The following GABRA2 variants were observed in gnomAD, a reference collection of about 807,000 sequenced individuals.
The protein encoded by GABRA2 is gamma-aminobutyric acid receptor subunit alpha-2.
In GABRA2, 16 loss-of-function variants were observed where a neutral mutation model predicts 48.7. That is an observed-to-expected ratio of 0.33 (90% confidence interval 0.22 to 0.50). The LOEUF is 0.50. Among genes scored for constraint, GABRA2 ranks in the 20% least tolerant of loss-of-function variants. The pLI, the probability that GABRA2 is intolerant of heterozygous loss-of-function variation, is 0.98. For synonymous variants in GABRA2, 185 were observed against 184.5 expected (o/e 1.00, Z -0.02); for missense variants, 275 against 535.6 (o/e 0.51, Z 4.80).
At chr4:46,267,162 T>C (rs996516774) in intron 8 of GABRA2, among the ~76,000 whole-genome samples, 1 of 152,160 alleles carries the variant, frequency 6.6e-6, no homozygotes, top group African/African-American at 2.4e-5. Flanking sequence ...TTTCTGTTCC[T>C]CATATTCAAC....
At chr4:46,292,527 G>A (rs570256741) in intron 8 of GABRA2, among the ~76,000 whole-genome samples, 1 of 152,320 alleles carries the variant, frequency 6.6e-6, no homozygotes, top group East Asian at 1.9e-4. Context: ...GATAATGGTG[G>A]AAGAAACAGA....
chr4:46,303,339 A>T, intron 8 of GABRA2, 121 bp downstream of exon 8: 1 of 970,978 alleles, frequency 1.0e-6, no homozygotes, highest in East Asian at 2.6e-5. Flanking sequence ...CTATAAGGCA[A>T]AAACAATACT....
chr4:46,248,016 T>C lies in GABRA2; in HGVS notation c.*2292A>G, dbSNP rs1577733465. On this transcript the variant is annotated 3_prime_UTR_variant, in exon 10 of 10. Transcript: ENST00000381620. Reference sequence around the variant, plus strand: ...ATAAGAATAACAGTGATAAGTTTTCTGGTCAATCTGCCATAAATGCTAATA... The same window carrying C: ...ATAAGAATAACAGTGATAAGTTTTCCGGTCAATCTGCCATAAATGCTAATA... 6.6e-6 allele frequency among the ~76,000 whole-genome samples: 1 copy of C among 151,362 alleles called. No homozygotes were observed. The highest frequency in any genetic ancestry group is 2.0e-4 in the East Asian group (1 of 5,128).
chr4:46,325,250 G>A (rs1450112334), intron 4 of GABRA2, among the ~76,000 whole-genome samples: 1 of 151,840 alleles, frequency 6.6e-6, no homozygotes, highest in Non-Finnish European at 1.5e-5. Context: ...TTGCCAACAT[G>A]TTAATTTTTT....
intron 4 of GABRA2, among the ~76,000 whole-genome samples, chr4:46,326,498 CTTT>C (rs397938834): frequency 7.3e-6 from 1 of 136,996 alleles, no homozygotes; most frequent in Non-Finnish European, 1.6e-5. Context: ...TGGTCTCTGC[CTTT>C]TTTTTTTTTT....
At chr4:46,375,775 C>T (rs990557495) in intron 3 of GABRA2, among the ~76,000 whole-genome samples, 1 of 152,148 alleles carries the variant, frequency 6.6e-6, no homozygotes, top group African/African-American at 2.4e-5. Context: ...AAAGCCAGAA[C>T]GAGCCAAAAT....
chr4:46,378,249 G>T (rs553793583), intron 3 of GABRA2, among the ~76,000 whole-genome samples: 1 of 152,202 alleles, frequency 6.6e-6, no homozygotes, highest in Admixed American at 6.5e-5. Context: ...CTGAGAAATC[G>T]GATGGTTGCC....
At chr4:46,290,147 G>A (rs1246097419) in intron 8 of GABRA2, among the ~76,000 whole-genome samples, 1 of 149,242 alleles carries the variant, frequency 6.7e-6, no homozygotes, top group Non-Finnish European at 1.5e-5. Flanking sequence ...CTCGTGATCC[G>A]CCCGCCTCAG....
intron 3 of GABRA2, among the ~76,000 whole-genome samples, chr4:46,378,802 T>C (rs1303614047): frequency 3.3e-5 from 5 of 150,854 alleles, no homozygotes; most frequent in African/African-American, 1.2e-4. Flanking sequence ...TATTCCAGCC[T>C]GGGCAACATA....
chr4:46,245,873 C>T lies in GABRA2; in HGVS notation c.*4435G>A, dbSNP rs531073040. 7.3e-5 allele frequency among the ~76,000 whole-genome samples: 11 copies of T among 150,940 alleles called. No individual in the cohort carries two copies. Among genetic ancestry groups the T allele is most frequent in the African/African-American group, 1.5e-4 (6 of 41,360 alleles). On this transcript the variant is annotated 3_prime_UTR_variant, in exon 10 of 10. Coordinates refer to ENST00000381620, the MANE Select transcript of GABRA2 (RefSeq NM_000807.4). ...CATCATTGAGTAGTTTGAGGTGGGA[C>T]GTATAACCACCTTTATAAGTATTTC...
At chr4:46,252,402 C>T (rs1460540626) in intron 9 of GABRA2, among the ~76,000 whole-genome samples, 1 of 151,424 alleles carries the variant, frequency 6.6e-6, no homozygotes, top group Non-Finnish European at 1.5e-5. Flanking sequence ...TAGAATGTGT[C>T]GGGTTGATTG....
chr4:46,254,757 C>T (rs1025537423), intron 9 of GABRA2, among the ~76,000 whole-genome samples: 1 of 151,410 alleles, frequency 6.6e-6, no homozygotes, highest in Non-Finnish European at 1.5e-5. Context: ...GAATTCTTAA[C>T]CACTAAATTT....
chr4:46,272,435 G>T (rs1229952875), intron 8 of GABRA2, among the ~76,000 whole-genome samples: 1 of 151,832 alleles, frequency 6.6e-6, no homozygotes. Flanking sequence ...TTTCTTTTAT[G>T]AAGCAAGCAT....
At chr4:46,309,436 A>G (rs1049678063) in intron 6 of GABRA2, among the ~76,000 whole-genome samples, 2 of 152,124 alleles carry the variant, frequency 1.3e-5, no homozygotes, top group African/African-American at 4.8e-5. Context: ...AAGGTCAGGC[A>G]ATAGGACACC....
At chr4:46,316,490 C>T (rs569927060) in intron 4 of GABRA2, among the ~76,000 whole-genome samples, 2 of 151,914 alleles carry the variant, frequency 1.3e-5, no homozygotes, top group African/African-American at 4.8e-5. Context: ...GCTGACACTG[C>T]CCTAGACTAA....
At chr4:46,355,886 C>T (rs897113585) in intron 3 of GABRA2, among the ~76,000 whole-genome samples, 1 of 152,136 alleles carries the variant, frequency 6.6e-6, no homozygotes. Context: ...CATCAGGTTA[C>T]ATACTAGACC....
At chr4:46,355,571 T>C (rs761293212) in intron 3 of GABRA2, among the ~76,000 whole-genome samples, 1 of 152,126 alleles carries the variant, frequency 6.6e-6, no homozygotes, top group Non-Finnish European at 1.5e-5. Flanking sequence ...AGAGAAGAAT[T>C]GTTACAAGTG....
At chr4:46,332,443 T>C (rs994684432) in intron 4 of GABRA2, among the ~76,000 whole-genome samples, 172 bp downstream of exon 4, 13 of 152,096 alleles carry the variant, frequency 8.5e-5, no homozygotes, top group African/African-American at 2.9e-4. Context: ...AACACTGAAG[T>C]TGGAAATGGA....
In GABRA2 at chr4:46,249,672, A is replaced by G. The variant is rs1431064541; in HGVS notation, c.*636T>C. 3 of 151,628 alleles carry G rather than the reference A, an allele frequency of 2.0e-5. No homozygotes were observed. In the East Asian group the frequency reaches 5.9e-4, roughly 30 times the overall value. 9.4% of individuals were successfully genotyped at this position (151,628 alleles called of 1,614,324 possible). ...TAATGACCATGACATTCCAATAGTTATTACATCGTAGGCATAATTAACATC... is the reference window on the plus strand; with the variant it reads ...TAATGACCATGACATTCCAATAGTTGTTACATCGTAGGCATAATTAACATC... On this transcript the variant is annotated 3_prime_UTR_variant, in exon 10 of 10. Coordinates refer to ENST00000381620, the MANE Select transcript of GABRA2 (RefSeq NM_000807.4).
Sources: gnomAD v4.1 joint callset for allele counts (sites outside exome capture counted in the v4.1 genomes callset) on GRCh38, gnomAD v4.1.1 for gene constraint, MANE v1.5 for transcripts, NCBI Gene and HGNC (gene_info 2026-07-23, HGNC 2026-07-21) for gene names.